TAFA1: variants seen among roughly 807,000 people sequenced by gnomAD.
The protein encoded by TAFA1 is chemokine-like protein TAFA-1.
A neutral mutation model predicts 18.5 loss-of-function variants in TAFA1; 4 were observed. The ratio of observed to expected loss-of-function variants is 0.22; its 90% CI spans 0.11 to 0.49. TAFA1 has a LOEUF of 0.49. TAFA1 is among the 20% of genes least tolerant of loss of function. TAFA1 has a pLI of 0.98. For missense variants in TAFA1, 147 were observed against 169.0 expected, an observed-to-expected ratio of 0.87 and a Z score of 0.72; for synonymous variants, 56 against 55.2, an observed-to-expected ratio of 1.01 and a Z score of -0.06.
intron 2 of TAFA1, among the ~76,000 whole-genome samples, chr3:68,112,842 G>GAAAATAAAATAAAATAAAAATAAAATAA (rs2065277122): frequency 6.6e-6 from 1 of 151,610 alleles, no homozygotes; most frequent in Admixed American, 6.6e-5. Flanking sequence ...CAAATACTAA[G>GAAAATAAAATAAAATAAAAATAAAATAA]AATGCAATTA....
At chr3:68,064,966 G>A (rs138949778) in intron 2 of TAFA1, among the ~76,000 whole-genome samples, 3 of 152,056 alleles carry the variant, frequency 2.0e-5, no homozygotes, top group African/African-American at 4.8e-5. Context: ...TTCCATGGTT[G>A]GTTGCCTCCT....
chr3:68,314,213 G>T (rs758925431), intron 2 of TAFA1, among the ~76,000 whole-genome samples: 2 of 152,130 alleles, frequency 1.3e-5, no homozygotes, highest in Non-Finnish European at 2.9e-5. Context: ...GGTCCAATTA[G>T]GTAGCGATAG....
intron 2 of TAFA1, among the ~76,000 whole-genome samples, chr3:68,194,897 G>A (rs1053186050): frequency 4.0e-5 from 6 of 151,624 alleles, no homozygotes; most frequent in African/African-American, 1.2e-4. Context: ...GTGTGTGAGC[G>A]TCATCATCGT....
intron 3 of TAFA1, among the ~76,000 whole-genome samples, chr3:68,488,372 C>T (rs2072386346): frequency 6.6e-6 from 1 of 152,202 alleles, no homozygotes; most frequent in African/African-American, 2.4e-5. Context: ...TTAGATGGTG[C>T]CCACTCAGAT....
At chr3:68,181,596 A>C (rs62248265) in intron 2 of TAFA1, among the ~76,000 whole-genome samples, 8 of 152,080 alleles carry the variant, frequency 5.3e-5, no homozygotes, top group Non-Finnish European at 1.2e-4. Flanking sequence ...CACTGTTTAG[A>C]TTTATCTTTT....
intron 2 of TAFA1, among the ~76,000 whole-genome samples, chr3:68,313,877 T>A (rs1347037218): frequency 6.6e-6 from 1 of 152,218 alleles, no homozygotes; most frequent in African/African-American, 2.4e-5. Flanking sequence ...GAGAAATGTG[T>A]GTTTTAATTT....
chr3:68,462,502 A>T (rs2071803891), intron 3 of TAFA1, among the ~76,000 whole-genome samples: 1 of 152,170 alleles, frequency 6.6e-6, no homozygotes, highest in South Asian at 2.1e-4. Context: ...TGGAACTGTG[A>T]GTCAATTAAA....
chr3:68,477,015 C>T (rs1434124079), intron 3 of TAFA1, among the ~76,000 whole-genome samples: 1 of 152,146 alleles, frequency 6.6e-6, no homozygotes, highest in Non-Finnish European at 1.5e-5. Flanking sequence ...CAGAGACCCC[C>T]ATGTGTCTCC....
At chr3:68,387,744 G>T (rs77797134) in intron 2 of TAFA1, among the ~76,000 whole-genome samples, 2,500 of 152,096 alleles carry the variant, frequency 0.016, 67 homozygotes, top group South Asian at 0.09. Flanking sequence ...AGGTCCATCA[G>T]TAGTACATGT....
rs1251195388 is a variant in TAFA1, at chr3:68,216,166, G to A, written c.119-201114G>A. ...TTGCCAGAAGTTCAGGAGGAGGCAAGGTTGAATAGGTGGAGCAGAGAAGAT... is the reference window on the plus strand; with the variant it reads ...TTGCCAGAAGTTCAGGAGGAGGCAAAGTTGAATAGGTGGAGCAGAGAAGAT... On this transcript the variant is annotated intron_variant, in intron 2 of 4. Transcript: ENST00000478136. Among the ~76,000 whole-genome samples the A allele has an allele frequency of 2.0e-5, 3 of 152,018 alleles. 1 individual carries two copies. The highest frequency in any genetic ancestry group is 7.2e-5 in the African/African-American group (3 of 41,422).
At chr3:67,999,280 C>CTCT (rs1206118563), upstream of TAFA1, among the ~76,000 whole-genome samples, 35 of 149,890 alleles carry the variant, frequency 2.3e-4, no homozygotes, top group Admixed American at 8.6e-4. Context: ...CCCCCCCCCC[C>CTCT]CTCTCTCTGT....
At chr3:68,414,404 G>T (rs2070773499) in intron 2 of TAFA1, among the ~76,000 whole-genome samples, 1 of 152,158 alleles carries the variant, frequency 6.6e-6, no homozygotes, top group African/African-American at 2.4e-5. Flanking sequence ...TCTAAGCCAA[G>T]TGTCAAACAT....
intron 2 of TAFA1, among the ~76,000 whole-genome samples, chr3:68,033,891 GGA>G (rs1704990356): frequency 6.6e-6 from 1 of 152,144 alleles, no homozygotes; most frequent in East Asian, 1.9e-4. Context: ...CTTTCACTTA[GGA>G]GTTTGGTGTA....
At position 68,261,857 on chromosome 3, in the gene TAFA1, G is replaced by A. The variant is rs558906084; in HGVS notation, c.119-155423G>A. The stretch of plus-strand genomic sequence containing the variant: ...TGTGCAGCACACCAACATGGCACAC[G>A]TATACATATGTAACAAACCTGCAGG... On this transcript the variant is annotated intron_variant, in intron 2 of 4. Coordinates refer to ENST00000478136, the MANE Select transcript of TAFA1 (RefSeq NM_213609.4). Among the ~76,000 whole-genome samples, 37 of 151,640 alleles carry A rather than the reference G, an allele frequency of 2.4e-4. No homozygotes were observed. In the South Asian group the frequency reaches 7.7e-3, roughly 32 times the overall value.
chr3:68,344,980 T>C (rs764363171), intron 2 of TAFA1, among the ~76,000 whole-genome samples: 8 of 151,982 alleles, frequency 5.3e-5, no homozygotes, highest in South Asian at 2.1e-4. Flanking sequence ...ATTTTAGTTC[T>C]TTACAGTCTT....
chr3:68,485,221 A>G (rs1559688984), intron 3 of TAFA1, among the ~76,000 whole-genome samples: 1 of 152,146 alleles, frequency 6.6e-6, no homozygotes, highest in Non-Finnish European at 1.5e-5. Flanking sequence ...CTACCTTATC[A>G]CACACAAGGG....
intron 3 of TAFA1, among the ~76,000 whole-genome samples, chr3:68,457,558 T>G (rs2106912927): frequency 6.6e-6 from 1 of 152,226 alleles, no homozygotes; most frequent in Non-Finnish European, 1.5e-5. Context: ...GTATATCAAC[T>G]ACAACATGTT....
At chr3:68,472,895 TA>T (rs1373428444) in intron 3 of TAFA1, among the ~76,000 whole-genome samples, 4 of 152,250 alleles carry the variant, frequency 2.6e-5, no homozygotes, top group Admixed American at 6.5e-5. Context: ...AGCAGAAATA[TA>T]GAAGGCACTC....
At chr3:68,161,410 T>C (rs1368449425) in intron 2 of TAFA1, among the ~76,000 whole-genome samples, 1 of 152,102 alleles carries the variant, frequency 6.6e-6, no homozygotes, top group East Asian at 1.9e-4. Flanking sequence ...CTCTTGAAAA[T>C]GATAAGAGAT....
Sources: gnomAD v4.1 joint callset for allele counts (sites outside exome capture counted in the v4.1 genomes callset) on GRCh38, gnomAD v4.1.1 for gene constraint, MANE v1.5 for transcripts, NCBI Gene and HGNC (gene_info 2026-07-23, HGNC 2026-07-21) for gene names.